THSD7B: variants seen among roughly 807,000 people sequenced by gnomAD.
THSD7B encodes the protein thrombospondin type 1 domain containing 7B.
THSD7B carries 138 observed loss-of-function variants against 213.6 expected under a neutral mutation model. That is an observed-to-expected ratio of 0.65 (90% CI 0.56 to 0.74). THSD7B has a LOEUF of 0.74. Among genes scored for constraint, THSD7B ranks in the 30% least tolerant of loss-of-function variants. The pLI, the probability that THSD7B is intolerant of heterozygous loss-of-function variation, is 0.00. For missense variants in THSD7B, 1,931 were observed against 1,991.5 expected (o/e 0.97, Z 0.58); for synonymous variants, 742 against 687.0 (o/e 1.08, Z -1.25).
At chr2:137,178,101 A>G (rs1245465463) in intron 7 of THSD7B, among the ~76,000 whole-genome samples, 9 of 147,426 alleles carry the variant, frequency 6.1e-5, no homozygotes, top group African/African-American at 2.2e-4. Flanking sequence ...AAGTAGTAGT[A>G]TTGGTCCTAA....
At chr2:136,857,815 G>T (rs1186726062) in intron 1 of THSD7B, among the ~76,000 whole-genome samples, 1 of 152,158 alleles carries the variant, frequency 6.6e-6, no homozygotes, top group African/African-American at 2.4e-5. Context: ...GAGTGTTCAT[G>T]TCACTATTGA....
chr2:137,663,676 GGA>G (rs1683395092), intron 26 of THSD7B, 101 bp downstream of exon 26: 4 of 1,113,736 alleles, frequency 3.6e-6, no homozygotes. Flanking sequence ...GAGGAAAAGA[GGA>G]GAGAAGAAAG....
chr2:137,289,161 C>G (rs1285395897), intron 12 of THSD7B, among the ~76,000 whole-genome samples: 1 of 151,496 alleles, frequency 6.6e-6, no homozygotes, highest in Non-Finnish European at 1.5e-5. Context: ...GGAAGTATTA[C>G]AAGACATGTT....
At chr2:137,100,807 A>T (rs912470191) in intron 4 of THSD7B, among the ~76,000 whole-genome samples, 1 of 152,172 alleles carries the variant, frequency 6.6e-6, no homozygotes, top group African/African-American at 2.4e-5. Flanking sequence ...ATCAAGGTCA[A>T]AAAAGGACAT....
chr2:137,631,820 G>T (rs149439924), intron 20 of THSD7B, among the ~76,000 whole-genome samples: 186 of 152,278 alleles, frequency 1.2e-3, no homozygotes, highest in Non-Finnish European at 1.9e-3. Context: ...GCTTTTCCAT[G>T]GCAAGCTGTA....
intron 2 of THSD7B, among the ~76,000 whole-genome samples, chr2:136,993,369 A>G (rs185500915): frequency 1.1e-4 from 16 of 152,372 alleles, no homozygotes; most frequent in East Asian, 9.6e-4. Context: ...AGCATAGTCC[A>G]GAGTGCACAA....
At chr2:136,796,561 A>G (rs1558807982) in intron 1 of THSD7B, among the ~76,000 whole-genome samples, 1 of 151,976 alleles carries the variant, frequency 6.6e-6, no homozygotes, top group Non-Finnish European at 1.5e-5. Context: ...CCTGTAGGTG[A>G]CAGTAGAGAG....
Position 137,455,290 on chromosome 2 carries a change from A to C in THSD7B, c.3138+4267A>C, listed in dbSNP as rs148026729. On this transcript the variant is annotated intron_variant, in intron 15 of 27. Transcript: ENST00000409968. ...AAATATATTAGAACTCTGGTCTCTT[A>C]TGCTGTGATTTGTCATTAGAATTCT... 3.5e-3 allele frequency among the ~76,000 whole-genome samples: 526 copies of C among 152,258 alleles called. 2 individuals carry two copies. Among genetic ancestry groups the C allele is most frequent in the African/African-American group, 0.012 (494 of 41,548 alleles).
At chr2:136,781,254 A>C (rs993418540) in intron 1 of THSD7B, among the ~76,000 whole-genome samples, 2 of 147,648 alleles carry the variant, frequency 1.4e-5, no homozygotes, top group African/African-American at 2.5e-5. Context: ...TATTTTGACT[A>C]CTTACCAGTT....
chr2:136,831,129 CTTTTTTTT>C (rs776235166), intron 1 of THSD7B, among the ~76,000 whole-genome samples: 1 of 119,892 alleles, frequency 8.3e-6, no homozygotes, highest in Non-Finnish European at 1.7e-5. Flanking sequence ...CCTGTAGAAT[CTTTTTTTT>C]TTTTTTTTTA....
chr2:136,879,525 G>A (rs917379043), intron 1 of THSD7B, among the ~76,000 whole-genome samples: 7 of 152,094 alleles, frequency 4.6e-5, no homozygotes, highest in East Asian at 1.9e-4. Flanking sequence ...CCATTTTCAC[G>A]ATATTGATTC....
rs1166051269 is a variant in THSD7B, at chr2:136,997,733, G to A, written c.140-58687G>A. On this transcript the variant is annotated intron_variant, in intron 2 of 27. Transcript: ENST00000409968. ...GAAAACAAATGCCTAGTCATAGAGAGGGAATGAGTTAATGACTCCTTGCCT... is the reference window on the plus strand; with the variant it reads ...GAAAACAAATGCCTAGTCATAGAGAAGGAATGAGTTAATGACTCCTTGCCT... Among the ~76,000 whole-genome samples, 3 of 152,128 alleles carry A rather than the reference G, an allele frequency of 2.0e-5. No individual in the cohort carries two copies. The East Asian group carries it at 5.8e-4, about 29-fold the overall frequency.
chr2:137,395,526 G>T (rs1686157153), intron 12 of THSD7B, among the ~76,000 whole-genome samples: 1 of 151,702 alleles, frequency 6.6e-6, no homozygotes, highest in African/African-American at 2.4e-5. Flanking sequence ...CTTGATCATG[G>T]TGGATAAGCT....
intron 7 of THSD7B, among the ~76,000 whole-genome samples, chr2:137,172,892 A>G (rs1252642121): frequency 2.6e-5 from 4 of 152,186 alleles, no homozygotes; most frequent in Non-Finnish European, 5.9e-5. Flanking sequence ...GTGTGGTTAC[A>G]GAAGTGTTCT....
chr2:136,991,780 T>C (rs76118406), intron 2 of THSD7B, among the ~76,000 whole-genome samples: 2,518 of 152,294 alleles, frequency 0.017, 36 homozygotes, highest in Middle Eastern at 0.02. Flanking sequence ...CTGCTTCACT[T>C]CTTTTCTTCA....
chr2:137,103,458 T>C (rs1688186408), intron 4 of THSD7B, among the ~76,000 whole-genome samples: 1 of 152,070 alleles, frequency 6.6e-6, no homozygotes, highest in Non-Finnish European at 1.5e-5. Context: ...ATTGACACTA[T>C]GAAGAAACTG....
chr2:136,982,960 C>T (rs1222307247), intron 2 of THSD7B, among the ~76,000 whole-genome samples: 2 of 152,000 alleles, frequency 1.3e-5, no homozygotes, highest in Non-Finnish European at 2.9e-5. Flanking sequence ...TTCCAAGATA[C>T]CTCTTGACTT....
intron 2 of THSD7B, among the ~76,000 whole-genome samples, chr2:137,011,561 T>C (rs1287551807): frequency 2.0e-5 from 3 of 152,142 alleles, no homozygotes; most frequent in Non-Finnish European, 4.4e-5. Context: ...CAAATGTCTC[T>C]TGGGGACAAA....
chr2:137,472,788 A>G (rs971158181), intron 15 of THSD7B, among the ~76,000 whole-genome samples: 2 of 152,204 alleles, frequency 1.3e-5, no homozygotes, highest in African/African-American at 4.8e-5. Flanking sequence ...ATAACAATGT[A>G]CTTTTTATAT....
Sources: allele counts gnomAD v4.1 joint callset (sites outside exome capture counted in the v4.1 genomes callset), GRCh38; gene constraint gnomAD v4.1.1; transcripts MANE v1.5; gene names NCBI Gene and HGNC (gene_info 2026-07-23, HGNC 2026-07-21).